Variants in SAGE1 observed in about 807,000 individuals in gnomAD.
The protein encoded by SAGE1 is sarcoma antigen 1.
Under a neutral mutation model 55.4 loss-of-function variants are expected in SAGE1, and 55 were observed. The ratio of observed to expected loss-of-function variants is 0.99; its 90% confidence interval spans 0.80 to 1.24. The LOEUF (loss-of-function observed/expected upper bound fraction) is 1.24, where lower values mean the gene tolerates loss of function less well. Ranked by LOEUF, SAGE1 falls within the 50% of genes most tolerant of loss-of-function variation. The pLI is 0.00. For missense variants in SAGE1, 710 were observed against 704.4 expected, an observed-to-expected ratio of 1.01 and a Z score of -0.09; for synonymous variants, 240 against 244.3, an observed-to-expected ratio of 0.98 and a Z score of 0.17.
Position 135,898,018 on chromosome X carries a change from A to AT in SAGE1, c.87+1697dup, listed in dbSNP as rs782552460. On this transcript the variant is annotated intron_variant, in intron 2 of 19. Transcript: ENST00000370709. ...AAGGACATGATCTCATTCCTTTTTT[A>AT]TTTTTTTTCTTTTTTTTGAGACGGA... Among the ~76,000 whole-genome samples the AT allele has an allele frequency of 1.1e-4, 12 of 110,492 alleles. No homozygotes were observed. In the South Asian group the frequency reaches 1.5e-3, roughly 14 times the overall value.
At chrX:135,901,091 C>T (rs2088667715) in intron 2 of SAGE1, among the ~76,000 whole-genome samples, 3 of 94,261 alleles carry the variant, frequency 3.2e-5, no homozygotes, top group Admixed American at 1.3e-4. Context: ...TGCAGTGAGC[C>T]GAGATCATGC....
rs1465610702 is a variant in SAGE1, at chrX:135,912,415, G to A, written c.2615+1G>A. On this transcript the variant is annotated splice_donor_variant, in intron 19 of 19. Coordinates refer to ENST00000370709, the MANE Select transcript of SAGE1 (RefSeq NM_001381902.1). LOFTEE classifies it high-confidence loss of function. ...AATTTACCATCAAGGAAGCAGCAAG[G>A]TGAGTGCAAAAAGGAACTGTGCTAT... 3 of 1,202,910 alleles carry A rather than the reference G, an allele frequency of 2.5e-6. No individual in the cohort carries two copies. Among genetic ancestry groups the A allele is most frequent in the African/African-American group, 1.8e-5 (1 of 56,875 alleles).
intron 1 of SAGE1, among the ~76,000 whole-genome samples, chrX:135,895,157 G>A (rs2148071357): frequency 9.0e-6 from 1 of 111,567 alleles, no homozygotes; most frequent in Non-Finnish European, 1.9e-5. Flanking sequence ...GTACATTTAA[G>A]TAGCTCTCCC....
chrX:135,901,947 C>A (rs1378987603), intron 3 of SAGE1, among the ~76,000 whole-genome samples: 2 of 111,868 alleles, frequency 1.8e-5, no homozygotes, highest in East Asian at 2.8e-4. Flanking sequence ...CCAGTGTGGT[C>A]TGGCTTCTTA....
chrX:135,907,825 G>A lies in SAGE1; in HGVS notation c.1143G>A (p.Met381Ile), dbSNP rs782583911. Reference sequence around the variant, plus strand: ...TGGCAACAGCTGATATGCCAGCCATGAGTACCAGGGATCAGCGTAAGTTTG... The same window carrying A: ...TGGCAACAGCTGATATGCCAGCCATAAGTACCAGGGATCAGCGTAAGTTTG... ...AYLATADMPA[M>I]STRDQHATII... is the part of the protein sequence containing the mutation. Residue 381 changes from methionine to isoleucine, a missense_variant, in exon 10 of 20, where the codon ATG becomes ATA. Physicochemically the swap from Met to Ile is conservative, Grantham distance 10 (BLOSUM62 1). Transcript: ENST00000370709. The A allele has an allele frequency of 4.1e-6, 5 of 1,208,953 alleles. No individual in the cohort carries two copies. In the African/African-American group the frequency reaches 8.7e-5, roughly 21 times the overall value.
intron 16 of SAGE1, 137 bp downstream of exon 16, chrX:135,910,692 T>C: frequency 1.1e-5 from 6 of 546,456 alleles, no homozygotes; most frequent in South Asian, 3.3e-5. Flanking sequence ...ACCTGGCATA[T>C]CCTTGCCTTC....
chrX:135,901,005 T>C (rs1278431625), intron 2 of SAGE1, among the ~76,000 whole-genome samples: 1 of 107,924 alleles, frequency 9.3e-6, no homozygotes, highest in Non-Finnish European at 1.9e-5. Context: ...TAGCCGGGCG[T>C]GGTGGCGGGT....
rs1569521227 is a variant in SAGE1 at position 135,904,552 on chromosome X, C to T, written c.296C>T (p.Thr99Ile). The change falls in exon 4 of 20, where the codon ACT becomes ATT. Residue 99 changes from threonine to isoleucine, a missense_variant. Coordinates refer to ENST00000370709, the MANE Select transcript of SAGE1 (RefSeq NM_001381902.1). ...CCAGTAGCTGATAATGTCTTGTCAA[C>T]TGCTCCACCATGGCCTGGTAATATG... ...GQPVADNVLS[T>I]APPWPDATIA... 8.4e-7 allele frequency: 1 copy of T among 1,190,176 alleles called. No individual in the cohort carries two copies. Among genetic ancestry groups the T allele is most frequent in the East Asian group, 3.0e-5 (1 of 33,628 alleles).
chrX:135,905,121 T>A lies in SAGE1; in HGVS notation c.314-131T>A, dbSNP rs2088761621. 1.8e-5 allele frequency: 11 copies of A among 620,060 alleles called. No individual in the cohort carries two copies. In the South Asian group the frequency reaches 3.9e-4, roughly 22 times the overall value. The allele number at this position is 620,060 out of a possible 1,213,427, so 51.1% of individuals were successfully genotyped here. ...TTTCGTGACCTCAACTTAAGTGGACTCAAATCATTATATGATGTATTCTCC... is the reference window on the plus strand; with the variant it reads ...TTTCGTGACCTCAACTTAAGTGGACACAAATCATTATATGATGTATTCTCC... On this transcript the variant is annotated intron_variant, in intron 4 of 19. Transcript: ENST00000370709.
intron 2 of SAGE1, among the ~76,000 whole-genome samples, chrX:135,896,803 G>A (rs1327749763): frequency 9.1e-6 from 1 of 110,452 alleles, no homozygotes; most frequent in Non-Finnish European, 1.9e-5. Context: ...CAGGTGATCC[G>A]CCCACCTCGC....
chrX:135,911,174 T>A lies in SAGE1; in HGVS notation c.2006-18T>A. ...TATGCACTTACTTCACAGCTCAGCCTCTTCATTTTGTTTCCAGATGTCACC... is the reference window on the plus strand; with the variant it reads ...TATGCACTTACTTCACAGCTCAGCCACTTCATTTTGTTTCCAGATGTCACC... On this transcript the variant is annotated intron_variant, in intron 16 of 19. Transcript: ENST00000370709. 1.7e-6 allele frequency: 2 copies of A among 1,208,995 alleles called. No individual in the cohort carries two copies. The highest frequency in any genetic ancestry group is 2.2e-6 in the Non-Finnish European group (2 of 893,763).
At chrX:135,906,695 T>G (rs2088799015) in intron 7 of SAGE1, 144 bp downstream of exon 7, 7 of 639,233 alleles carry the variant, frequency 1.1e-5, no homozygotes, top group Non-Finnish European at 1.7e-5. Flanking sequence ...TTTGTTTATT[T>G]GTATTACTGT....
intron 1 of SAGE1, among the ~76,000 whole-genome samples, chrX:135,894,160 C>A (rs1475211715): frequency 8.9e-6 from 1 of 112,059 alleles, no homozygotes; most frequent in Non-Finnish European, 1.9e-5. Flanking sequence ...CCAACCTCCG[C>A]CTCCCGGGTT....
rs1556600466 is a variant in SAGE1, at chrX:135,906,016, G to C, written c.455-8G>C. On this transcript the variant is annotated splice_region_variant and splice_polypyrimidine_tract_variant and intron_variant, in intron 5 of 19. Transcript: ENST00000370709. The stretch of plus-strand genomic sequence containing the variant: ...CCTCACAGCTTGAACTCTTCATTTG[G>C]TTTCCAGATTCTACCGTCACTCACA... 1 of 1,201,221 alleles carries C rather than the reference G, an allele frequency of 8.3e-7. No homozygotes were observed. The highest frequency in any genetic ancestry group is 2.2e-5 in the Admixed American group (1 of 45,242).
At position 135,907,578 on chromosome X, in the gene SAGE1, T is replaced by C. The variant is rs1454688245; in HGVS notation, c.1019-123T>C. 7 of 971,106 alleles carry C rather than the reference T, an allele frequency of 7.2e-6. No individual in the cohort carries two copies. In the African/African-American group the frequency reaches 1.4e-4, roughly 19 times the overall value. 80.0% of individuals were successfully genotyped at this position (971,106 alleles called of 1,213,427 possible). ...GCTCAATCTGAGGTGTCTCAGATCA[T>C]CACTTGCTGTATCCTCCTGCTTTAT... On this transcript the variant is annotated intron_variant, in intron 9 of 19. Coordinates refer to ENST00000370709, the MANE Select transcript of SAGE1 (RefSeq NM_001381902.1).
At chrX:135,903,107 A>G (rs1195396837) in intron 3 of SAGE1, among the ~76,000 whole-genome samples, 1 of 110,627 alleles carries the variant, frequency 9.0e-6, no homozygotes, top group Non-Finnish European at 1.9e-5. Flanking sequence ...GGTCCCATCC[A>G]TTTCCTCCTG....
At chrX:135,895,808 T>A (rs1320953986) in intron 1 of SAGE1, among the ~76,000 whole-genome samples, 2 of 111,797 alleles carry the variant, frequency 1.8e-5, no homozygotes, top group African/African-American at 6.5e-5. Flanking sequence ...CCTTTAAGTC[T>A]GAAAAAATGA....
intron 2 of SAGE1, 56 bp downstream of exon 2, chrX:135,896,385 T>C (rs1207934099): frequency 1.7e-5 from 14 of 818,401 alleles, no homozygotes; most frequent in Non-Finnish European, 2.4e-5. Flanking sequence ...TATAATTATT[T>C]TCTCATTGGA....
intron 14 of SAGE1, 82 bp downstream of exon 14, chrX:135,909,861 G>A: frequency 9.7e-7 from 1 of 1,026,345 alleles, no homozygotes; most frequent in Non-Finnish European, 1.3e-6. Flanking sequence ...AGGTGGTTTT[G>A]TTGTATTATC....
Sources: gnomAD v4.1 joint callset for allele counts (sites outside exome capture counted in the v4.1 genomes callset) on GRCh38, gnomAD v4.1.1 for gene constraint, MANE v1.5 for transcripts, NCBI Gene and HGNC (gene_info 2026-07-23, HGNC 2026-07-21) for gene names.